SOX5: variants seen among roughly 807,000 people sequenced by gnomAD.
SOX5 encodes SRY-box transcription factor 5.
SOX5 carries 9 observed loss-of-function variants against 92.0 expected under a neutral mutation model. The ratio of observed to expected loss-of-function variants is 0.10; its 90% CI spans 0.06 to 0.17. SOX5 has a LOEUF of 0.17. SOX5 is among the 10% of genes least tolerant of loss of function. The probability of loss-of-function intolerance (pLI) is 1.00; values close to 1 mark genes in which losing one functional copy is unlikely to be tolerated. For synonymous variants in SOX5, 344 were observed against 336.3 expected (o/e 1.02, Z -0.25); for missense variants, 642 against 944.5 (o/e 0.68, Z 4.20).
intron 2 of SOX5, among the ~76,000 whole-genome samples, chr12:24,305,202 G>A (rs1595396617): frequency 2.6e-5 from 4 of 152,150 alleles, no homozygotes; most frequent in Admixed American, 2.6e-4. Context: ...AATAAAGAAA[G>A]TGATATTTCT....
rs141055537 is a variant in SOX5 at position 23,628,391 on chromosome 12, T to C, written c.1017+12421A>G. ...ACAGATGAAAGGACAATATTTTCTATAGTTCTGCTTCACTCCATAAAGGAA... is the reference window on the plus strand; with the variant it reads ...ACAGATGAAAGGACAATATTTTCTACAGTTCTGCTTCACTCCATAAAGGAA... On this transcript the variant is annotated intron_variant, in intron 8 of 14. Transcript: ENST00000451604. Among the ~76,000 whole-genome samples, 1,122 of 152,228 alleles carry C rather than the reference T, an allele frequency of 7.4e-3. 16 individuals are homozygous for C. Among genetic ancestry groups the C allele is most frequent in the African/African-American group, 0.026 (1,069 of 41,548 alleles).
chr12:23,920,940 T>C (rs372857674), intron 1 of SOX5, among the ~76,000 whole-genome samples: 1 of 152,220 alleles, frequency 6.6e-6, no homozygotes, highest in African/African-American at 2.4e-5. Context: ...ATAAAGCTAC[T>C]ATTTACACTA....
chr12:23,671,999 A>G (rs2084865366), intron 6 of SOX5, among the ~76,000 whole-genome samples: 2 of 152,112 alleles, frequency 1.3e-5, no homozygotes, highest in African/African-American at 2.4e-5. Context: ...AGTGGCTTCA[A>G]AACAGGCCTC....
At chr12:24,143,210 G>A (rs775720890) in intron 4 of SOX5, among the ~76,000 whole-genome samples, 8 of 152,074 alleles carry the variant, frequency 5.3e-5, no homozygotes, top group South Asian at 2.1e-4. Flanking sequence ...TCCAAGACAC[G>A]TCACTGAGTC....
At chr12:24,455,903 T>C (rs1400470120) in intron 1 of SOX5, among the ~76,000 whole-genome samples, 1 of 152,134 alleles carries the variant, frequency 6.6e-6, no homozygotes, top group Non-Finnish European at 1.5e-5. Context: ...AGGCCCAGTA[T>C]CCTTACCTCA....
intron 6 of SOX5, among the ~76,000 whole-genome samples, chr12:23,702,489 A>G (rs555062512): frequency 6.6e-6 from 1 of 152,190 alleles, no homozygotes; most frequent in East Asian, 1.9e-4. Context: ...TAGAGAAACC[A>G]TATTTTACTT....
chr12:23,769,826 C>T (rs2094864600), intron 3 of SOX5, among the ~76,000 whole-genome samples: 1 of 152,064 alleles, frequency 6.6e-6, no homozygotes, highest in Non-Finnish European at 1.5e-5. Context: ...CTCTATTATG[C>T]CATGATACTC....
chr12:24,151,583 G>A (rs1179079925), intron 4 of SOX5, among the ~76,000 whole-genome samples: 1 of 151,696 alleles, frequency 6.6e-6, no homozygotes, highest in African/African-American at 2.4e-5. Context: ...TTTTTGTTTT[G>A]TTTTGTTTTT....
At chr12:24,125,300 C>T (rs1016988968) in intron 4 of SOX5, among the ~76,000 whole-genome samples, 4 of 152,172 alleles carry the variant, frequency 2.6e-5, no homozygotes, top group African/African-American at 7.2e-5. Flanking sequence ...TTCTTCTCCT[C>T]ACCACCAGTT....
chr12:24,505,874 C>CGCGCATGTGTGTGTGTGTGT (rs368183832), intron 1 of SOX5, among the ~76,000 whole-genome samples: 4 of 148,018 alleles, frequency 2.7e-5, no homozygotes, highest in Non-Finnish European at 5.9e-5. Context: ...TGTGTGTGTG[C>CGCGCATGTGTGTGTGTGTGT]GCATCACTGC....
intron 4 of SOX5, among the ~76,000 whole-genome samples, chr12:24,006,782 G>T (rs974218726): frequency 4.6e-5 from 7 of 151,900 alleles, no homozygotes; most frequent in African/African-American, 1.7e-4. Flanking sequence ...AGACAGAAAA[G>T]ATCTATTGAT....
At chr12:24,408,317 T>G (rs528033518) in intron 1 of SOX5, among the ~76,000 whole-genome samples, 199 of 152,300 alleles carry the variant, frequency 1.3e-3, no homozygotes, top group Non-Finnish European at 2.2e-3. Flanking sequence ...TGTGTTTAAT[T>G]AAACATTTTA....
intron 4 of SOX5, among the ~76,000 whole-genome samples, chr12:24,091,398 TAAA>T (rs1302127268): frequency 6.6e-6 from 1 of 151,390 alleles, no homozygotes; most frequent in Non-Finnish European, 1.5e-5. Flanking sequence ...AAATTAGAAT[TAAA>T]GAAGCATAAA....
At chr12:23,726,856 A>G (rs1004949076) in intron 6 of SOX5, among the ~76,000 whole-genome samples, 1 of 152,198 alleles carries the variant, frequency 6.6e-6, no homozygotes, top group Non-Finnish European at 1.5e-5. Context: ...AATGTTCCCA[A>G]TGCTGAAGCC....
At chr12:24,182,780 C>T (rs536078761) in intron 4 of SOX5, among the ~76,000 whole-genome samples, 142 of 152,302 alleles carry the variant, frequency 9.3e-4, no homozygotes, top group Non-Finnish European at 1.7e-3. Flanking sequence ...GTGGCACGAC[C>T]TCAGCTCACT....
At chr12:23,556,557 T>G (rs183274862) in intron 11 of SOX5, among the ~76,000 whole-genome samples, 7 of 152,322 alleles carry the variant, frequency 4.6e-5, no homozygotes, top group African/African-American at 1.7e-4. Context: ...TTTACCACAC[T>G]GTTGCAAAGG....
chr12:24,155,088 T>A (rs1236316704), intron 4 of SOX5, among the ~76,000 whole-genome samples: 1 of 152,124 alleles, frequency 6.6e-6, no homozygotes, highest in South Asian at 2.1e-4. Context: ...GGCATCATCG[T>A]ACGCTAAGCA....
At chr12:23,963,453 A>G (rs1361102870) in intron 4 of SOX5, among the ~76,000 whole-genome samples, 1 of 152,150 alleles carries the variant, frequency 6.6e-6, no homozygotes, top group Admixed American at 6.5e-5. Flanking sequence ...GTTTTTTTAA[A>G]TTATAAAAGC....
At chr12:23,714,858 T>C (rs2092364465) in intron 6 of SOX5, among the ~76,000 whole-genome samples, 1 of 152,192 alleles carries the variant, frequency 6.6e-6, no homozygotes, top group African/African-American at 2.4e-5. Flanking sequence ...TTGTAAAATT[T>C]ATTTATAAAG....
Sources: gnomAD v4.1 joint callset for allele counts (sites outside exome capture counted in the v4.1 genomes callset) on GRCh38, gnomAD v4.1.1 for gene constraint, MANE v1.5 for transcripts, NCBI Gene and HGNC (gene_info 2026-07-23, HGNC 2026-07-21) for gene names.